Variants in ADAMTS16 observed in about 807,000 individuals in gnomAD.
ADAMTS16 encodes the protein ADAM metallopeptidase with thrombospondin type 1 motif 16.
A neutral mutation model predicts 145.8 loss-of-function variants in ADAMTS16; 94 were observed. The observed-to-expected ratio is 0.64, with a 90% CI of 0.55 to 0.77. The LOEUF (loss-of-function observed/expected upper bound fraction) is 0.77, where lower values mean the gene tolerates loss of function less well. ADAMTS16 is among the 30% of genes least tolerant of loss of function. ADAMTS16 has a pLI of 0.00. For missense variants in ADAMTS16, 1,585 were observed against 1,591.5 expected (o/e 1.00, Z 0.07); for synonymous variants, 659 against 604.3 (o/e 1.09, Z -1.33).
Position 5,257,704 on chromosome 5 carries a change from C to T in ADAMTS16, c.2663-4953C>T, listed in dbSNP as rs116307661. 2.3e-3 allele frequency among the ~76,000 whole-genome samples: 343 copies of T among 152,326 alleles called. 3 individuals are homozygous for T. The highest frequency in any genetic ancestry group is 0.02 in the Middle Eastern group (6 of 294). On this transcript the variant is annotated intron_variant, in intron 17 of 22. Coordinates refer to ENST00000274181, the MANE Select transcript of ADAMTS16 (RefSeq NM_139056.4). ...TTTTCCACACTAACAACCAGTTCTC[C>T]AATTCTCTAGATGCTGGCAGCTTGG...
At chr5:5,172,454 T>C (rs2126544216) in intron 3 of ADAMTS16, among the ~76,000 whole-genome samples, 1 of 152,180 alleles carries the variant, frequency 6.6e-6, no homozygotes, top group East Asian at 1.9e-4. Context: ...TTTATTATCA[T>C]TTTTCAAATA....
At chr5:5,143,600 A>T (rs1734221012) in intron 2 of ADAMTS16, among the ~76,000 whole-genome samples, 1 of 152,214 alleles carries the variant, frequency 6.6e-6, no homozygotes, top group Admixed American at 6.5e-5. Flanking sequence ...AACAAGAAAT[A>T]CCATTTGACC....
chr5:5,222,948 T>C, intron 11 of ADAMTS16, 64 bp downstream of exon 11: 1 of 1,446,570 alleles, frequency 6.9e-7, no homozygotes, highest in Non-Finnish European at 9.7e-7. Context: ...CATGCATCTT[T>C]GCTCCTCTTG....
chr5:5,318,712 G>T (rs1294850107), intron 22 of ADAMTS16, among the ~76,000 whole-genome samples: 1 of 152,160 alleles, frequency 6.6e-6, no homozygotes, highest in Non-Finnish European at 1.5e-5. Flanking sequence ...GCTTGAGGAA[G>T]GCGAGTGGTT....
Position 5,269,478 on chromosome 5 carries a change from G to C in ADAMTS16, c.2789+6695G>C, listed in dbSNP as rs149867801. 6.6e-6 allele frequency among the ~76,000 whole-genome samples: 1 copy of C among 152,194 alleles called. No individual in the cohort carries two copies. Among genetic ancestry groups the C allele is most frequent in the African/African-American group, 2.4e-5 (1 of 41,534 alleles). ...CCAGGACATTGAGTTCACATCACCT[G>C]CAATCTCCTCCATCTCCCTGCCCCA... On this transcript the variant is annotated intron_variant, in intron 18 of 22. Coordinates refer to ENST00000274181, the MANE Select transcript of ADAMTS16 (RefSeq NM_139056.4). The surrounding 1 kb of genome is among the most constrained non-coding windows in gnomAD (Gnocchi z 4.3).
intron 21 of ADAMTS16, among the ~76,000 whole-genome samples, chr5:5,316,930 C>A (rs892510767): frequency 6.6e-6 from 1 of 152,216 alleles, no homozygotes; most frequent in Non-Finnish European, 1.5e-5. Flanking sequence ...TGTGGCCATG[C>A]AACCATCATT....
At position 5,268,478 on chromosome 5, in the gene ADAMTS16, C is replaced by T. The variant is rs185653914; in HGVS notation, c.2789+5695C>T. ...GTGGTCAGTTTGTCAACATTAAATC[C>T]ACCCGTGGGATCCTTCCAACGCACC... is the stretch of plus-strand genomic sequence containing the variant. On this transcript the variant is annotated intron_variant, in intron 18 of 22. Transcript: ENST00000274181. 1.4e-3 allele frequency among the ~76,000 whole-genome samples: 208 copies of T among 152,302 alleles called. 2 individuals carry two copies. Among genetic ancestry groups the T allele is most frequent in the Non-Finnish European group, 1.6e-4 (11 of 68,020 alleles).
At chr5:5,192,222 T>C (rs1174785987) in intron 8 of ADAMTS16, among the ~76,000 whole-genome samples, 1 of 152,144 alleles carries the variant, frequency 6.6e-6, no homozygotes, top group African/African-American at 2.4e-5. Flanking sequence ...GCCACAGCAA[T>C]GCACAAGTTT....
At chr5:5,205,416 A>G (rs1014968010) in intron 9 of ADAMTS16, among the ~76,000 whole-genome samples, 11 of 152,120 alleles carry the variant, frequency 7.2e-5, no homozygotes, top group African/African-American at 2.2e-4. Flanking sequence ...TAGACCACTT[A>G]ATTTTTGTAT....
intron 18 of ADAMTS16, among the ~76,000 whole-genome samples, chr5:5,263,561 G>A (rs1251008567): frequency 4.6e-5 from 7 of 152,254 alleles, no homozygotes; most frequent in Admixed American, 3.9e-4. Context: ...GAGCATGTGA[G>A]CAAGTGAGTA....
chr5:5,245,989 C>A (rs1022488803), intron 17 of ADAMTS16, among the ~76,000 whole-genome samples: 3 of 152,202 alleles, frequency 2.0e-5, no homozygotes, highest in African/African-American at 4.8e-5. Flanking sequence ...AGGGAAACAG[C>A]ATGCCAAGAA....
At chr5:5,164,521 A>T (rs760205393) in intron 3 of ADAMTS16, among the ~76,000 whole-genome samples, 7 of 152,092 alleles carry the variant, frequency 4.6e-5, no homozygotes, top group Non-Finnish European at 8.8e-5. Flanking sequence ...ATTCTCTTCC[A>T]AGGGCACTCT....
chr5:5,197,663 T>C (rs12518833), intron 8 of ADAMTS16, among the ~76,000 whole-genome samples: 27,631 of 152,246 alleles, frequency 0.18, 2,984 homozygotes, highest in African/African-American at 0.3. Flanking sequence ...GTTATAGTTC[T>C]TGGTTGCCAC....
intron 3 of ADAMTS16, among the ~76,000 whole-genome samples, chr5:5,151,214 TCTTA>T (rs1263783899): frequency 0.015 from 2,056 of 137,966 alleles, 28 homozygotes; most frequent in African/African-American, 0.042. Context: ...ATTTCTTTTC[TCTTA>T]TTTATTTATT....
At chr5:5,156,940 C>T (rs1427863555) in intron 3 of ADAMTS16, among the ~76,000 whole-genome samples, 4 of 152,156 alleles carry the variant, frequency 2.6e-5, no homozygotes, top group Non-Finnish European at 5.9e-5. Context: ...TGCCATGAGC[C>T]GCAGCAGTGA....
intron 20 of ADAMTS16, among the ~76,000 whole-genome samples, chr5:5,306,096 C>G (rs1435346206): frequency 6.6e-6 from 1 of 152,246 alleles, no homozygotes; most frequent in Non-Finnish European, 1.5e-5. Context: ...TTTCTTCTAC[C>G]TGCCCCAGCT....
At chr5:5,191,913 C>T in intron 8 of ADAMTS16, 123 bp downstream of exon 8, 1 of 675,422 alleles carries the variant, frequency 1.5e-6, no homozygotes. Context: ...AACGAGAATG[C>T]CATTGACAGT....
rs760836596 is a variant in ADAMTS16 at position 5,303,415 on chromosome 5, G to A, written c.2937G>A (p.Gln979=). 8.1e-6 allele frequency: 13 copies of A among 1,609,238 alleles called. No individual in the cohort carries two copies. Among genetic ancestry groups the A allele is most frequent in the Non-Finnish European group, 1.1e-5 (13 of 1,178,202 alleles). The change falls in exon 19 of 23, where the codon CAG becomes CAA. Residue 979 remains glutamine, a synonymous_variant. Transcript: ENST00000274181. ...LCPQPAPSSR[Q]ACNSQSCPPA... is the part of the protein sequence containing the mutation. ...CTCAGCCTGCTCCCTCCAGCAGGCA[G>A]GCCTGCAACTCTCAGAGCTGCCCAC...
intron 10 of ADAMTS16, among the ~76,000 whole-genome samples, chr5:5,219,086 C>T (rs975927893): frequency 6.6e-6 from 1 of 152,074 alleles, no homozygotes; most frequent in Non-Finnish European, 1.5e-5. Flanking sequence ...GTGGTACAGG[C>T]CTGAGTGTGG....
Sources: gnomAD v4.1 joint callset for allele counts (sites outside exome capture counted in the v4.1 genomes callset) on GRCh38, gnomAD v4.1.1 for gene constraint, Gnocchi (gnomAD v3.1) non-coding constraint, MANE v1.5 for transcripts, NCBI Gene and HGNC (gene_info 2026-07-23, HGNC 2026-07-21) for gene names.